Variants in CHST6 observed in about 807,000 individuals in gnomAD.
CHST6 encodes the protein N-acetylglucosamine 6-O-sulfotransferase 5.
For missense variants in CHST6, 698 were observed against 586.2 expected (o/e 1.19, Z -1.97); for synonymous variants, 309 against 276.4 (o/e 1.12, Z -1.17).
chr16:75,486,096 T>A (rs2080194546), intron 1 of CHST6, among the ~76,000 whole-genome samples: 1 of 152,118 alleles, frequency 6.6e-6, no homozygotes, highest in Non-Finnish European at 1.5e-5. Flanking sequence ...CTCTCCCAAC[T>A]CCCTCACCCA....
rs1348665568 is a variant in CHST6, at chr16:75,473,543, CA to C, written c.*5097del. On this transcript the variant is annotated 3_prime_UTR_variant, in exon 3 of 3. Transcript: ENST00000332272. ...ATAAAAAATGATTTTCAGCTGAAGGCAATTAAGAAGCAGAAAGTGCAGGAAA... is the reference window on the plus strand; with the variant it reads ...ATAAAAAATGATTTTCAGCTGAAGGCATTAAGAAGCAGAAAGTGCAGGAAA... The C allele has an allele frequency of 6.6e-6, 1 of 152,144 alleles. No homozygotes were observed. The highest frequency in any genetic ancestry group is 1.5e-5 in the Non-Finnish European group (1 of 68,054). The allele number at this position is 152,144 out of a possible 1,614,324, so 9.4% of individuals were successfully genotyped here. A position where few individuals can be genotyped will look rare whatever the true frequency, so the allele number is the denominator to read the frequency against.
Position 75,478,030 on chromosome 16 carries a change from C to T in CHST6, c.*611G>A, listed in dbSNP as rs1036079553. On this transcript the variant is annotated 3_prime_UTR_variant, in exon 3 of 3. Coordinates refer to ENST00000332272, the MANE Select transcript of CHST6 (RefSeq NM_021615.5). ...CTCTCAGCTGTGTCCCTGGTCATGA[C>T]TCTGCTTGCTCTTCCCTAAAGCAAT... The T allele has an allele frequency of 5.0e-5, 8 of 161,352 alleles. No individual in the cohort carries two copies. The highest frequency in any genetic ancestry group is 1.9e-4 in the African/African-American group (8 of 41,520). The allele number at this position is 161,352 out of a possible 1,614,324, so 10.0% of individuals were successfully genotyped here.
At position 75,476,188 on chromosome 16, in the gene CHST6, G is replaced by A. The variant is rs2080063795; in HGVS notation, c.*2453C>T. The A allele has an allele frequency of 6.6e-6, 1 of 152,112 alleles. No individual in the cohort carries two copies. The highest frequency in any genetic ancestry group is 1.5e-5 in the Non-Finnish European group (1 of 68,068). The allele number at this position is 152,112 out of a possible 1,614,324, so 9.4% of individuals were successfully genotyped here. ...ACCCACAATATGATGGTGTTGGGAT[G>A]TGGAGCCTTTGGGAGGTGATTAGAT... On this transcript the variant is annotated 3_prime_UTR_variant, in exon 3 of 3. Coordinates refer to ENST00000332272, the MANE Select transcript of CHST6 (RefSeq NM_021615.5).
At chr16:75,486,768 A>G (rs191977894) in intron 1 of CHST6, among the ~76,000 whole-genome samples, 116 of 152,284 alleles carry the variant, frequency 7.6e-4, no homozygotes, top group African/African-American at 2.8e-3. Flanking sequence ...AGTCCTTGGG[A>G]GATGAGTTTC....
At position 75,495,435 on chromosome 16, in the gene CHST6, C is replaced by G. The variant is rs756315531; in HGVS notation, c.-587G>C. On this transcript the variant is annotated 5_prime_UTR_variant, in exon 1 of 3. Transcript: ENST00000332272. ...GGCGCTTTCAGACGTGGCTGCGGTCCCGAGGTGGCCAGCGGGAGCTAGCGC... is the reference window on the plus strand; with the variant it reads ...GGCGCTTTCAGACGTGGCTGCGGTCGCGAGGTGGCCAGCGGGAGCTAGCGC... The G allele has an allele frequency of 6.6e-6, 1 of 152,274 alleles. No individual in the cohort carries two copies. The highest frequency in any genetic ancestry group is 1.5e-5 in the Non-Finnish European group (1 of 68,084). The allele number at this position is 152,274 out of a possible 1,614,324, so 9.4% of individuals were successfully genotyped here. A position where few individuals can be genotyped will look rare whatever the true frequency, so the allele number is the denominator to read the frequency against.
At position 75,478,742 on chromosome 16, in the gene CHST6, A is replaced by G. The variant is rs568879885; in HGVS notation, c.1087T>C (p.Ser363Pro). 4 of 1,613,552 alleles carry G rather than the reference A, an allele frequency of 2.5e-6. No individual in the cohort carries two copies. The South Asian group carries it at 4.4e-5, about 18-fold the overall frequency. Residue 363 changes from serine (S) to proline (P), a missense_variant, in exon 3 of 3, where the codon TCT becomes CCT. Coordinates refer to ENST00000332272, the MANE Select transcript of CHST6 (RefSeq NM_021615.5). ...GCGAGGTTGCGCTGCTCGTCCTCAGAGTACACAGGCCGGTAGCCCAGCAGC... is the reference window on the plus strand; with the variant it reads ...GCGAGGTTGCGCTGCTCGTCCTCAGGGTACACAGGCCGGTAGCCCAGCAGC... Reference protein sequence around the residue: ...LQLLGYRPVYSEDEQRNLALD... With the variant: ...LQLLGYRPVYPEDEQRNLALD...
At chr16:75,491,720 A>C (rs966874920) in intron 1 of CHST6, among the ~76,000 whole-genome samples, 6 of 152,160 alleles carry the variant, frequency 3.9e-5, no homozygotes, top group Non-Finnish European at 8.8e-5. Flanking sequence ...GATAGTCTAC[A>C]TCAGACTTTT....
Position 75,478,986 on chromosome 16 carries a change from C to T in CHST6, c.843G>A (p.Leu281=). 6.2e-7 allele frequency: 1 copy of T among 1,612,672 alleles called. No individual in the cohort carries two copies. The highest frequency in any genetic ancestry group is 8.5e-7 in the Non-Finnish European group (1 of 1,179,956). Residue 281 remains leucine, a synonymous_variant, in exon 3 of 3, where the codon CTG becomes CTA. Transcript: ENST00000332272. Reference sequence around the variant, plus strand: ...AGGCGTAGAGCGCACGGATTTCTGCCAGCGGCTCCCGCGCCAGGTCCTCGA... The same window carrying T: ...AGGCGTAGAGCGCACGGATTTCTGCTAGCGGCTCCCGCGCCAGGTCCTCGA... ...VRFEDLAREP[L]AEIRALYAFT... is the part of the protein sequence containing the mutation.
intron 1 of CHST6, among the ~76,000 whole-genome samples, chr16:75,486,105 C>T (rs937411345): frequency 4.6e-5 from 7 of 152,202 alleles, no homozygotes; most frequent in African/African-American, 1.7e-4. Context: ...CTCCCTCACC[C>T]ATGCTATGAG....
At chr16:75,490,710 G>T (rs2080244398) in intron 1 of CHST6, 1 of 152,132 alleles carries the variant, frequency 6.6e-6, no homozygotes, top group Non-Finnish European at 1.5e-5. Flanking sequence ...TTTCTCGAAA[G>T]GTTGAATAGA....
At chr16:75,481,671 T>C (rs747676066) in intron 2 of CHST6, 146 bp downstream of exon 2, 25 of 348,598 alleles carry the variant, frequency 7.2e-5, no homozygotes, top group Non-Finnish European at 1.5e-4. Context: ...GGGGGTGAAG[T>C]GCTGAAGGCA....
chr16:75,478,931 C>T lies in CHST6; in HGVS notation c.898G>A (p.Glu300Lys), dbSNP rs1026540921. ...TGGGTGATGTTATGGATCCAGGCCTCGAGCTGTGGCGTGAGACTGAGCCCA... is the reference window on the plus strand; with the variant it reads ...TGGGTGATGTTATGGATCCAGGCCTTGAGCTGTGGCGTGAGACTGAGCCCA... Reference protein sequence around the residue: ...FTGLSLTPQLEAWIHNITHGS... With the variant: ...FTGLSLTPQLKAWIHNITHGS... The change falls in exon 3 of 3, where the codon GAG (glutamate) becomes AAG (lysine). Residue 300 changes from glutamate (E) to lysine (K), a missense_variant. Physicochemically the swap from Glu to Lys is moderately conservative, Grantham distance 56 (BLOSUM62 1). Coordinates refer to ENST00000332272, the MANE Select transcript of CHST6 (RefSeq NM_021615.5). The T allele has an allele frequency of 2.5e-6, 4 of 1,613,132 alleles. No homozygotes were observed. The African/African-American group carries it at 5.3e-5, about 21-fold the overall frequency.
At position 75,494,367 on chromosome 16, in the gene CHST6, G is replaced by A. The variant is rs554507589; in HGVS notation, c.-92+573C>T. On this transcript the variant is annotated intron_variant, in intron 1 of 2. Coordinates refer to ENST00000332272, the MANE Select transcript of CHST6 (RefSeq NM_021615.5). ...AGAGGCCCTGGTACTTGGCCTACTCGCTTGTGGGTTTAAGTCAGCCAACTC... is the reference window on the plus strand; with the variant it reads ...AGAGGCCCTGGTACTTGGCCTACTCACTTGTGGGTTTAAGTCAGCCAACTC... Among the ~76,000 whole-genome samples, 22 of 152,224 alleles carry A rather than the reference G, an allele frequency of 1.4e-4. No individual in the cohort carries two copies. The South Asian group carries it at 2.1e-3, about 14-fold the overall frequency.
intron 1 of CHST6, among the ~76,000 whole-genome samples, chr16:75,483,464 C>A (rs1042212774): frequency 5.9e-5 from 9 of 152,204 alleles, no homozygotes; most frequent in African/African-American, 2.2e-4. Context: ...TCATCCTACG[C>A]CACAGAGTCT....
In CHST6 at chr16:75,479,473, T is replaced by C. The variant is rs1207764593; in HGVS notation, c.356A>G (p.Asp119Gly). 3 of 1,612,044 alleles carry C rather than the reference T, an allele frequency of 1.9e-6. No homozygotes were observed. The highest frequency in any genetic ancestry group is 2.5e-6 in the Non-Finnish European group (3 of 1,179,624). Residue 119 changes from aspartate (D) to glycine (G), a missense_variant, in exon 3 of 3, where the codon GAC becomes GGC. Asp to Gly is a moderately conservative substitution (Grantham distance 94). Coordinates refer to ENST00000332272, the MANE Select transcript of CHST6 (RefSeq NM_021615.5). Reference protein sequence around the residue: ...AYLPWRRNLSDLFQWAVSRAL... With the variant: ...AYLPWRRNLSGLFQWAVSRAL... ...ACGGCTCACGGCCCACTGGAAGAGGTCGGACAGGTTGCGGCGCCAAGGCAG... is the reference window on the plus strand; with the variant it reads ...ACGGCTCACGGCCCACTGGAAGAGGCCGGACAGGTTGCGGCGCCAAGGCAG...
intron 1 of CHST6, among the ~76,000 whole-genome samples, chr16:75,486,515 C>G (rs374926009): frequency 3.3e-5 from 5 of 152,356 alleles, no homozygotes; most frequent in African/African-American, 1.2e-4. Flanking sequence ...ACACACTGAC[C>G]CTGCCCCCCC....
intron 1 of CHST6, among the ~76,000 whole-genome samples, chr16:75,484,383 G>A (rs2080173606): frequency 6.6e-6 from 1 of 151,974 alleles, no homozygotes; most frequent in African/African-American, 2.4e-5. Flanking sequence ...TAAATACATC[G>A]AAGAACCAGA....
At chr16:75,490,164 A>T (rs2080239927) in intron 1 of CHST6, among the ~76,000 whole-genome samples, 1 of 104,376 alleles carries the variant, frequency 9.6e-6, no homozygotes, top group Admixed American at 1.3e-4. Flanking sequence ...CAAGAGCGAG[A>T]CTTTGCCTCA....
chr16:75,478,823 C>T lies in CHST6; in HGVS notation c.1006G>A (p.Ala336Thr), dbSNP rs79173362. Residue 336 changes from alanine to threonine, a missense_variant, in exon 3 of 3, where the codon GCG becomes ACG. Physicochemically the swap from Ala to Thr is moderately conservative, Grantham distance 58 (BLOSUM62 0). Transcript: ENST00000332272. ...CGGCGGATCTTGGCAAAGGGCAGCG[C>T]ATGGCGCCAGGCCTGGGAGACGTTG... ...ALNVSQAWRH[A>T]LPFAKIRRVQ... 3.7e-4 allele frequency: 603 copies of T among 1,613,470 alleles called. 2 individuals are homozygous for T. In the African/African-American group the frequency reaches 7.3e-3, roughly 19 times the overall value.
Sources: allele counts gnomAD v4.1 joint callset (sites outside exome capture counted in the v4.1 genomes callset), GRCh38; gene constraint gnomAD v4.1.1; transcripts MANE v1.5; gene names NCBI Gene and HGNC (gene_info 2026-07-23, HGNC 2026-07-21).